XKR6: variants seen among roughly 807,000 people sequenced by gnomAD.
XKR6 encodes the protein XK related 6, also known as XK-related protein 6.
XKR6 carries 22 observed loss-of-function variants against 56.7 expected under a neutral mutation model. That is an observed-to-expected ratio of 0.39 (90% confidence interval 0.28 to 0.55). The LOEUF (loss-of-function observed/expected upper bound fraction) is 0.55. Among genes scored for constraint, XKR6 ranks in the 20% least tolerant of loss-of-function variants. The probability of loss-of-function intolerance (pLI) is 0.66; values close to 1 mark genes in which losing one functional copy is unlikely to be tolerated. For synonymous variants in XKR6, 524 were observed against 387.8 expected, an observed-to-expected ratio of 1.35 and a Z score of -4.13; for missense variants, 852 against 889.0, an observed-to-expected ratio of 0.96 and a Z score of 0.53.
intron 1 of XKR6, among the ~76,000 whole-genome samples, chr8:10,986,026 A>G (rs1797856702): frequency 6.6e-6 from 1 of 152,256 alleles, no homozygotes. Flanking sequence ...CTAATAGATG[A>G]TAAAAATATT....
intron 1 of XKR6, among the ~76,000 whole-genome samples, chr8:10,992,053 C>G (rs1798005542): frequency 6.6e-6 from 1 of 152,178 alleles, no homozygotes; most frequent in Admixed American, 6.5e-5. Flanking sequence ...ACAGACCTGG[C>G]CGTGAGTCCT....
chr8:11,062,600 C>G, intron 1 of XKR6: 13 of 372,464 alleles, frequency 3.5e-5, no homozygotes, highest in South Asian at 2.7e-4. Context: ...GGGAGAGCTT[C>G]TAGTTAAAAC....
At chr8:11,176,056 T>C (rs1802639128) in intron 1 of XKR6, among the ~76,000 whole-genome samples, 1 of 152,218 alleles carries the variant, frequency 6.6e-6, no homozygotes, top group African/African-American at 2.4e-5. Flanking sequence ...GCAAATGACC[T>C]TGTGAAACTC....
intron 1 of XKR6, among the ~76,000 whole-genome samples, chr8:11,183,612 C>T (rs563085686): frequency 1.3e-5 from 2 of 152,242 alleles, no homozygotes; most frequent in East Asian, 3.9e-4. Flanking sequence ...TATGAGCCAG[C>T]ACACCTGGCT....
intron 1 of XKR6, chr8:11,105,041 A>T (rs1229990166): frequency 6.6e-6 from 1 of 152,198 alleles, no homozygotes; most frequent in Non-Finnish European, 1.5e-5. Flanking sequence ...GCAATGCTGA[A>T]GTAATTATCA....
At chr8:11,057,221 A>C (rs1337417631) in intron 1 of XKR6, among the ~76,000 whole-genome samples, 1 of 151,824 alleles carries the variant, frequency 6.6e-6, no homozygotes, top group Non-Finnish European at 1.5e-5. Flanking sequence ...GAGCCCCCCT[A>C]CTCCACACTG....
intron 1 of XKR6, among the ~76,000 whole-genome samples, chr8:10,959,628 C>T (rs12678884): frequency 6.6e-6 from 1 of 152,114 alleles, no homozygotes. Context: ...TAATCCGTTG[C>T]TGAGGCCCCA....
intron 1 of XKR6, among the ~76,000 whole-genome samples, chr8:11,005,499 T>C (rs1483895978): frequency 1.3e-5 from 2 of 152,120 alleles, no homozygotes; most frequent in Admixed American, 6.6e-5. Flanking sequence ...GTAATGGTTG[T>C]ACAACACCAT....
chr8:10,987,985 T>A (rs934496707), intron 1 of XKR6, among the ~76,000 whole-genome samples: 1 of 152,200 alleles, frequency 6.6e-6, no homozygotes, highest in African/African-American at 2.4e-5. Flanking sequence ...CTGTCCTTCC[T>A]ACTTTGGACA....
chr8:10,970,536 C>A (rs143109698), intron 1 of XKR6, among the ~76,000 whole-genome samples: 321 of 151,942 alleles, frequency 2.1e-3, no homozygotes, highest in Middle Eastern at 0.01. Flanking sequence ...CAGAAATGCC[C>A]CAGCCTCATT....
intron 1 of XKR6, among the ~76,000 whole-genome samples, chr8:11,091,454 AATAGATAG>A (rs1316682558): frequency 1.3e-5 from 2 of 151,772 alleles, no homozygotes; most frequent in African/African-American, 4.8e-5. Context: ...TAAATAAATA[AATAGATAG>A]ATAGATAAAA....
intron 1 of XKR6, among the ~76,000 whole-genome samples, chr8:11,125,116 A>AAAAG (rs2116870817): frequency 7.5e-6 from 1 of 132,512 alleles, no homozygotes; most frequent in Non-Finnish European, 1.7e-5. Flanking sequence ...AAAAGAAAAG[A>AAAAG]AAAAAAAAGT....
At chr8:11,178,261 C>T (rs1802762632) in intron 1 of XKR6, among the ~76,000 whole-genome samples, 1 of 152,102 alleles carries the variant, frequency 6.6e-6, no homozygotes, top group African/African-American at 2.4e-5. Flanking sequence ...AGACAATCAG[C>T]TCCGGATGGA....
At chr8:11,022,827 T>C (rs192093302) in intron 1 of XKR6, among the ~76,000 whole-genome samples, 1 of 152,344 alleles carries the variant, frequency 6.6e-6, no homozygotes, top group East Asian at 1.9e-4. Context: ...TCCACTTTTT[T>C]ATTTGTTATA....
chr8:10,966,343 C>G (rs1255682870), intron 1 of XKR6, among the ~76,000 whole-genome samples: 2 of 152,086 alleles, frequency 1.3e-5, no homozygotes, highest in Non-Finnish European at 2.9e-5. Context: ...GTGCCTGTAC[C>G]ATCACCATTA....
At chr8:11,139,350 G>A (rs1800566316) in intron 1 of XKR6, among the ~76,000 whole-genome samples, 1 of 152,138 alleles carries the variant, frequency 6.6e-6, no homozygotes, top group South Asian at 2.1e-4. Context: ...AGGTAGGGAG[G>A]CAGTGACCAG....
intron 1 of XKR6, among the ~76,000 whole-genome samples, chr8:10,977,419 A>T (rs1193076829): frequency 6.6e-6 from 1 of 151,906 alleles, no homozygotes; most frequent in Admixed American, 6.6e-5. Context: ...AGACTCTCTA[A>T]TAAGCCAAGC....
chr8:11,048,194 A>G (rs1292457396), intron 1 of XKR6, among the ~76,000 whole-genome samples: 2 of 152,112 alleles, frequency 1.3e-5, no homozygotes, highest in African/African-American at 4.8e-5. Flanking sequence ...CCTAGACACT[A>G]TGGGGCTGAA....
intron 1 of XKR6, among the ~76,000 whole-genome samples, chr8:11,163,966 C>G (rs886179406): frequency 5.9e-5 from 9 of 152,152 alleles, no homozygotes; most frequent in Admixed American, 1.3e-4. Context: ...TCCCTCAAAC[C>G]CAGCTATGTA....
Sources: allele counts gnomAD v4.1 joint callset (sites outside exome capture counted in the v4.1 genomes callset), GRCh38; gene constraint gnomAD v4.1.1; transcripts MANE v1.5; gene names NCBI Gene and HGNC (gene_info 2026-07-23, HGNC 2026-07-21).